Variants in WDR75 observed in about 807,000 individuals in gnomAD.
WDR75 encodes WD repeat-containing protein 75.
Under a neutral mutation model 106.1 loss-of-function variants are expected in WDR75, and 52 were observed. The ratio of observed to expected loss-of-function variants is 0.49; its 90% CI spans 0.39 to 0.62. The LOEUF is 0.62. Ranked by LOEUF, WDR75 falls within the 20% of genes least tolerant of loss-of-function variation. WDR75 has a pLI of 0.00. For missense variants in WDR75, 905 were observed against 970.3 expected (o/e 0.93, Z 0.89); for synonymous variants, 333 against 335.5 (o/e 0.99, Z 0.08).
At chr2:189,460,602 T>C (rs1157657934) in intron 8 of WDR75, among the ~76,000 whole-genome samples, 1 of 151,828 alleles carries the variant, frequency 6.6e-6, no homozygotes, top group Non-Finnish European at 1.5e-5. Context: ...CTTCCTGGGC[T>C]CAAATGGTCC....
At chr2:189,457,835 G>A (rs1686771061) in intron 6 of WDR75, among the ~76,000 whole-genome samples, 1 of 151,792 alleles carries the variant, frequency 6.6e-6, no homozygotes, top group African/African-American at 2.4e-5. Flanking sequence ...TGAATGAGGT[G>A]ACGTATTTAG....
chr2:189,455,596 G>A (rs1686716822), intron 5 of WDR75, 152 bp downstream of exon 5: 2 of 967,364 alleles, frequency 2.1e-6, no homozygotes, highest in Non-Finnish European at 3.0e-6. Context: ...GCTTTAGCAT[G>A]TATTTATGGT....
At chr2:189,442,191 T>C (rs1250019238) in intron 1 of WDR75, among the ~76,000 whole-genome samples, 1 of 152,158 alleles carries the variant, frequency 6.6e-6, no homozygotes, top group African/African-American at 2.4e-5. Context: ...TGCCATCATC[T>C]GTAAAGGGGG....
intron 18 of WDR75, 82 bp downstream of exon 18, chr2:189,470,960 AT>A (rs1226875074): frequency 5.5e-6 from 6 of 1,083,322 alleles, no homozygotes; most frequent in Non-Finnish European, 7.7e-6. Flanking sequence ...TATGAAAAAA[AT>A]ATTTCACTTG....
At chr2:189,459,566 G>A in intron 8 of WDR75, 142 bp downstream of exon 8, 6 of 778,540 alleles carry the variant, frequency 7.7e-6, no homozygotes, top group Non-Finnish European at 1.2e-5. Flanking sequence ...CTGTATTTTG[G>A]GCTTTGCTCA....
chr2:189,469,585 TTG>T, intron 16 of WDR75, 146 bp downstream of exon 16: 1 of 645,066 alleles, frequency 1.6e-6, no homozygotes, highest in South Asian at 1.9e-5. Flanking sequence ...CCCCAACACT[TTG>T]TCATTGTGTG....
At chr2:189,447,054 C>G (rs1686515127) in intron 1 of WDR75, among the ~76,000 whole-genome samples, 1 of 152,134 alleles carries the variant, frequency 6.6e-6, no homozygotes, top group Admixed American at 6.5e-5. Context: ...CTGAGAATGG[C>G]ATACAATTTT....
rs754671081 is a variant in WDR75 at position 189,466,502 on chromosome 2, C to T, written c.1367C>T (p.Ser456Phe). Reference sequence around the variant, plus strand: ...CTCTGTTTCTGTAATGCAGAAAAATCTGAACAGCCCACCTTGGTTACAGCT... The same window carrying T: ...CTCTGTTTCTGTAATGCAGAAAAATTTGAACAGCCCACCTTGGTTACAGCT... ...TALCFCNAEK[S>F]EQPTLVTASK... The change falls in exon 13 of 21, where the codon TCT becomes TTT. Residue 456 changes from serine (S) to phenylalanine (F), a missense_variant. By Grantham distance (155) the Ser-to-Phe change is radical (BLOSUM62 -2). Transcript: ENST00000314761. The T allele has an allele frequency of 6.2e-7, 1 of 1,613,364 alleles. No individual in the cohort carries two copies. The highest frequency in any genetic ancestry group is 8.5e-7 in the Non-Finnish European group (1 of 1,179,484).
At chr2:189,464,088 C>A in intron 11 of WDR75, 127 bp downstream of exon 11, 1 of 792,278 alleles carries the variant, frequency 1.3e-6, no homozygotes, top group South Asian at 1.8e-5. Context: ...ATAGTATTAT[C>A]CGTGGTTACT....
Position 189,467,575 on chromosome 2 carries a change from G to A in WDR75, c.1555G>A (p.Glu519Lys). The change falls in exon 14 of 21, where the codon GAA becomes AAA. Residue 519 changes from glutamate (E) to lysine (K), a missense_variant. Physicochemically the swap from Glu to Lys is moderately conservative, Grantham distance 56 (BLOSUM62 1). Coordinates refer to ENST00000314761, the MANE Select transcript of WDR75 (RefSeq NM_032168.3). ...TTCTTTACTAGCAGTTAGTTTTGAG[G>A]AAATAGTCACAATATGGGATTCTGT... ...DGSLLAVSFE[E>K]IVTIWDSVTW... The A allele has an allele frequency of 6.2e-7, 1 of 1,611,240 alleles. No individual in the cohort carries two copies. Among genetic ancestry groups the A allele is most frequent in the Non-Finnish European group, 8.5e-7 (1 of 1,178,540 alleles).
chr2:189,465,085 A>C lies in WDR75; in HGVS notation c.1120A>C (p.Ile374Leu). ...GGTTTTTTTTACTCATCAGTTAGATATTATACAGCAAGAATATATTAATGA... is the reference window on the plus strand; with the variant it reads ...GGTTTTTTTTACTCATCAGTTAGATCTTATACAGCAAGAATATATTAATGA... ...QSDKQLYNLD[I>L]IQQEYINDYG... Residue 374 changes from isoleucine to leucine, a missense_variant, in exon 12 of 21, where the codon ATT becomes CTT. Coordinates refer to ENST00000314761, the MANE Select transcript of WDR75 (RefSeq NM_032168.3). 2 of 1,587,400 alleles carry C rather than the reference A, an allele frequency of 1.3e-6. No individual in the cohort carries two copies. Among genetic ancestry groups the C allele is most frequent in the Non-Finnish European group, 8.6e-7 (1 of 1,166,496 alleles).
chr2:189,451,386 T>C (rs184188201), intron 3 of WDR75, among the ~76,000 whole-genome samples: 4 of 152,268 alleles, frequency 2.6e-5, no homozygotes. Context: ...TTTAGCCAAA[T>C]TGTAGATTGA....
At chr2:189,445,919 C>T (rs1686490571) in intron 1 of WDR75, among the ~76,000 whole-genome samples, 1 of 152,082 alleles carries the variant, frequency 6.6e-6, no homozygotes, top group Non-Finnish European at 1.5e-5. Context: ...TGAAGGGTTG[C>T]GTTTAAGTAA....
rs1686977360 is a variant in WDR75 at position 189,465,246 on chromosome 2, A to G, written c.1281A>G (p.Lys427=). The G allele has an allele frequency of 1.9e-6, 3 of 1,611,874 alleles. No homozygotes were observed. Among genetic ancestry groups the G allele is most frequent in the East Asian group, 2.2e-5 (1 of 44,824 alleles). The change falls in exon 12 of 21, where the codon AAA becomes AAG. Residue 427 remains lysine, a synonymous_variant. Transcript: ENST00000314761. ...TGAAACTGTGGATGTATAATAAGAAAACACAAGGGTAATACTATCTGTGTA... is the reference window on the plus strand; with the variant it reads ...TGAAACTGTGGATGTATAATAAGAAGACACAAGGGTAATACTATCTGTGTA... ...LQMKLWMYNK[K]TQGFILNTKI...
chr2:189,464,942 G>T, intron 11 of WDR75, 137 bp from the exon 12 acceptor site: 1 of 560,114 alleles, frequency 1.8e-6, no homozygotes, highest in Non-Finnish European at 2.9e-6. Flanking sequence ...GTTCATTTTT[G>T]CCTTTATTTA....
At chr2:189,441,693 T>C (rs1686369501) in intron 1 of WDR75, 115 bp downstream of exon 1, 18 of 1,213,472 alleles carry the variant, frequency 1.5e-5, no homozygotes, top group Non-Finnish European at 1.7e-5. Context: ...ATATCGGCTT[T>C]GGGTAGAGCA....
At chr2:189,449,105 C>T in intron 2 of WDR75, 2 of 534,032 alleles carry the variant, frequency 3.7e-6, no homozygotes, top group South Asian at 1.9e-5. Context: ...ACAAAGCAGC[C>T]CTTCTTTCTT....
chr2:189,458,898 C>T (rs1413330121), intron 7 of WDR75, 26 bp downstream of exon 7: 36 of 1,588,090 alleles, frequency 2.3e-5, no homozygotes, highest in South Asian at 7.1e-5. Context: ...AAGAGCATGG[C>T]GATCATTTAT....
intron 1 of WDR75, among the ~76,000 whole-genome samples, chr2:189,442,776 ACGACAGGT>A (rs1686409891): frequency 6.6e-6 from 1 of 152,082 alleles, no homozygotes. Context: ...ATATGAGTGT[ACGACAGGT>A]AGTTGTTGAA....
Sources: allele counts gnomAD v4.1 joint callset (sites outside exome capture counted in the v4.1 genomes callset), GRCh38; gene constraint gnomAD v4.1.1; transcripts MANE v1.5; gene names NCBI Gene and HGNC (gene_info 2026-07-23, HGNC 2026-07-21).